The following ATF7IP variants were observed in gnomAD, a reference collection of about 807,000 sequenced individuals.
ATF7IP encodes the protein activating transcription factor 7 interacting protein.
ATF7IP carries 23 observed loss-of-function variants against 106.4 expected under a neutral mutation model. The ratio of observed to expected loss-of-function variants is 0.22; its 90% CI spans 0.16 to 0.31. The LOEUF (loss-of-function observed/expected upper bound fraction) is 0.31, where lower values mean the gene tolerates loss of function less well. Among genes scored for constraint, ATF7IP ranks in the 10% least tolerant of loss-of-function variants. The pLI, the probability that ATF7IP is intolerant of heterozygous loss-of-function variation, is 1.00. For missense variants in ATF7IP, 1,334 were observed against 1,524.3 expected (o/e 0.88, Z 2.08); for synonymous variants, 542 against 539.0 (o/e 1.01, Z -0.08).
intron 1 of ATF7IP, among the ~76,000 whole-genome samples, chr12:14,423,362 A>G (rs914759786): frequency 3.3e-5 from 5 of 152,068 alleles, no homozygotes; most frequent in African/African-American, 7.2e-5. Context: ...TGATTTGCAA[A>G]TATTTTCTCC....
Position 14,383,472 on chromosome 12 carries a change from C to G in ATF7IP, c.-8+17645C>G, listed in dbSNP as rs193258197. On this transcript the variant is annotated intron_variant, in intron 1 of 14. Coordinates refer to ENST00000261168, the MANE Select transcript of ATF7IP (RefSeq NM_018179.5). ...TATGTGTACCATCTTTCCCCACCCCCCAATTAAACATAGATTCCAGTGCTA... is the reference window on the plus strand; with the variant it reads ...TATGTGTACCATCTTTCCCCACCCCGCAATTAAACATAGATTCCAGTGCTA... Among the ~76,000 whole-genome samples the G allele has an allele frequency of 3.3e-5, 5 of 152,280 alleles. No homozygotes were observed. In the East Asian group the frequency reaches 7.7e-4, roughly 23 times the overall value.
chr12:14,394,376 T>C (rs1376383103), intron 1 of ATF7IP, among the ~76,000 whole-genome samples: 2 of 152,194 alleles, frequency 1.3e-5, no homozygotes, highest in African/African-American at 4.8e-5. Context: ...GGGGGTGGAA[T>C]TTCAGTTATA....
At chr12:14,472,683 C>T (rs1944096953) in intron 10 of ATF7IP, among the ~76,000 whole-genome samples, 1 of 152,118 alleles carries the variant, frequency 6.6e-6, no homozygotes, top group Non-Finnish European at 1.5e-5. Context: ...TTTTGATTTT[C>T]CTCTACATCT....
At chr12:14,495,279 A>G (rs2136875804) in intron 13 of ATF7IP, among the ~76,000 whole-genome samples, 1 of 152,356 alleles carries the variant, frequency 6.6e-6, no homozygotes, top group South Asian at 2.1e-4. Context: ...AATCTAATCA[A>G]GTTGACACTC....
intron 1 of ATF7IP, among the ~76,000 whole-genome samples, chr12:14,417,665 G>A (rs1201258590): frequency 1.3e-5 from 2 of 152,076 alleles, no homozygotes; most frequent in Non-Finnish European, 2.9e-5. Flanking sequence ...AAATGTTCAT[G>A]GATATTTATT....
intron 6 of ATF7IP, among the ~76,000 whole-genome samples, chr12:14,448,373 A>C (rs1943068725): frequency 6.6e-6 from 1 of 152,166 alleles, no homozygotes; most frequent in Non-Finnish European, 1.5e-5. Context: ...CAGTTTTTAC[A>C]TGTGTATTTA....
At position 14,425,486 on chromosome 12, in the gene ATF7IP, C is replaced by A. The variant is rs1247209645; in HGVS notation, c.1558+13C>A. On this transcript the variant is annotated intron_variant, in intron 2 of 14. Coordinates refer to ENST00000261168, the MANE Select transcript of ATF7IP (RefSeq NM_018179.5). ...ACGTGCTCTCCAGGTTAGCATATAA[C>A]TTAAATGTTAAAGATTTTTTATTGA... The A allele has an allele frequency of 1.3e-6, 2 of 1,497,700 alleles. No individual in the cohort carries two copies. Among genetic ancestry groups the A allele is most frequent in the African/African-American group, 1.4e-5 (1 of 71,106 alleles). The allele number at this position is 1,497,700 out of a possible 1,614,324, so 92.8% of individuals were successfully genotyped here.
chr12:14,465,676 A>T (rs1412710100), intron 9 of ATF7IP, among the ~76,000 whole-genome samples: 1 of 152,042 alleles, frequency 6.6e-6, no homozygotes, highest in African/African-American at 2.4e-5. Context: ...ACCCAACTTG[A>T]TTTTTTAGAC....
At chr12:14,496,374 C>T (rs1158345375) in intron 14 of ATF7IP, 31 bp downstream of exon 14, 7 of 1,433,168 alleles carry the variant, frequency 4.9e-6, no homozygotes, top group Non-Finnish European at 4.9e-6. Context: ...TTGCAAAATT[C>T]TCAACTGTAG....
At chr12:14,394,981 T>C (rs1419361022) in intron 1 of ATF7IP, 2 of 152,190 alleles carry the variant, frequency 1.3e-5, no homozygotes, top group East Asian at 1.9e-4. Context: ...CATTGACATA[T>C]TGTCTGACGT....
At chr12:14,466,786 A>G (rs1943849770) in intron 10 of ATF7IP, among the ~76,000 whole-genome samples, 196 bp downstream of exon 10, 1 of 152,100 alleles carries the variant, frequency 6.6e-6, no homozygotes, top group African/African-American at 2.4e-5. Context: ...GTTTTTGCAT[A>G]ACAGTTCTCT....
chr12:14,478,284 T>G (rs770345069), intron 11 of ATF7IP, 33 bp from the exon 12 acceptor site: 2 of 1,600,844 alleles, frequency 1.2e-6, no homozygotes, highest in Non-Finnish European at 1.7e-6. Context: ...ATTTTTTTCT[T>G]GTCAGTCATA....
intron 1 of ATF7IP, among the ~76,000 whole-genome samples, chr12:14,368,714 A>T (rs1938406194): frequency 6.6e-6 from 1 of 152,088 alleles, no homozygotes; most frequent in Non-Finnish European, 1.5e-5. Context: ...GTGAAGTTGA[A>T]TTTGTTATTG....
chr12:14,492,525 G>T (rs546889345), intron 13 of ATF7IP, among the ~76,000 whole-genome samples: 1 of 150,890 alleles, frequency 6.6e-6, no homozygotes, highest in Non-Finnish European at 1.5e-5. Context: ...TTGATTGAGG[G>T]GTCATCATTC....
rs142798937 is a variant in ATF7IP, at chr12:14,384,787, TAATC to T, written c.-8+18967_-8+18970del. 6.6e-3 allele frequency among the ~76,000 whole-genome samples: 994 copies of T among 151,162 alleles called. 8 individuals carry two copies. Among genetic ancestry groups the T allele is most frequent in the East Asian group, 0.035 (177 of 5,126 alleles). ...AGCCTTCTATAAATTGAAATTAACT[TAATC>T]AATCAAGTCATTTTCAGGATTTAAA... On this transcript the variant is annotated intron_variant, in intron 1 of 14. Transcript: ENST00000261168.
At chr12:14,455,182 CAA>C (rs71438317) in intron 6 of ATF7IP, among the ~76,000 whole-genome samples, 48 of 89,464 alleles carry the variant, frequency 5.4e-4, no homozygotes, top group Admixed American at 6.3e-4. Context: ...GACTCTATCT[CAA>C]AAAAAAAAAA....
rs1228058773 is a variant in ATF7IP, at chr12:14,498,476, G to A, written c.*403G>A. On this transcript the variant is annotated 3_prime_UTR_variant, in exon 15 of 15. Transcript: ENST00000261168. ...TAACTGGCATGATTCTGCTTTTGAA[G>A]GATCTATAGTATCATTTTAGTTAAG... 1.8e-5 allele frequency: 3 copies of A among 163,604 alleles called. No individual in the cohort carries two copies. The highest frequency in any genetic ancestry group is 7.2e-5 in the African/African-American group (3 of 41,778). 10.1% of individuals were successfully genotyped at this position (163,604 alleles called of 1,614,324 possible).
chr12:14,494,330 T>TATATATATATAC (rs1565559779), intron 13 of ATF7IP, among the ~76,000 whole-genome samples: 4 of 115,014 alleles, frequency 3.5e-5, no homozygotes, highest in Non-Finnish European at 5.4e-5. Context: ...TATATATATA[T>TATATATATATAC]ATATGTGTGT....
At chr12:14,454,217 C>G (rs1943330700) in intron 6 of ATF7IP, among the ~76,000 whole-genome samples, 1 of 152,216 alleles carries the variant, frequency 6.6e-6, no homozygotes, top group Middle Eastern at 3.4e-3. Context: ...TTGTACTCTT[C>G]CATCTGAAGA....
Sources: allele counts gnomAD v4.1 joint callset (sites outside exome capture counted in the v4.1 genomes callset), GRCh38; gene constraint gnomAD v4.1.1; transcripts MANE v1.5; gene names NCBI Gene and HGNC (gene_info 2026-07-23, HGNC 2026-07-21).